NUDT3: variants seen among roughly 807,000 people sequenced by gnomAD.
The protein encoded by NUDT3 is diphosphoinositol polyphosphate phosphohydrolase 1.
Under a neutral mutation model 23.6 loss-of-function variants are expected in NUDT3, and 9 were observed. That is an observed-to-expected ratio of 0.38 (90% CI 0.23 to 0.66). The LOEUF is 0.66. Among genes scored for constraint, NUDT3 ranks in the 30% least tolerant of loss-of-function variants. NUDT3 has a pLI of 0.52. For missense variants in NUDT3, 172 were observed against 218.5 expected (o/e 0.79, Z 1.34); for synonymous variants, 86 against 82.6 (o/e 1.04, Z -0.22).
rs1763272871 is a variant in NUDT3, at chr6:34,280,961, C to A, written c.*7792G>T. 1 of 152,192 alleles carries A rather than the reference C, an allele frequency of 6.6e-6. No individual in the cohort carries two copies. Among genetic ancestry groups the A allele is most frequent in the African/African-American group, 2.4e-5 (1 of 41,442 alleles). The allele number at this position is 152,192 out of a possible 1,614,324, so 9.4% of individuals were successfully genotyped here. A position where few individuals can be genotyped will look rare whatever the true frequency, so the allele number is the denominator to read the frequency against. Reference sequence around the variant, plus strand: ...ACTTTTGTCCTCTAGAAAAACTTAACTCAATACATCTTGGCTACTTTGCCT... The same window carrying A: ...ACTTTTGTCCTCTAGAAAAACTTAAATCAATACATCTTGGCTACTTTGCCT... On this transcript the variant is annotated 3_prime_UTR_variant, in exon 5 of 5. Coordinates refer to ENST00000607016, the MANE Select transcript of NUDT3 (RefSeq NM_006703.4).
At chr6:34,316,432 T>C (rs922405421) in intron 2 of NUDT3, among the ~76,000 whole-genome samples, 12 of 152,166 alleles carry the variant, frequency 7.9e-5, no homozygotes, top group Non-Finnish European at 1.8e-4. Flanking sequence ...GACTGCTTCA[T>C]ATAGAAGAGA....
chr6:34,325,576 AG>A (rs1193425409), intron 2 of NUDT3, among the ~76,000 whole-genome samples: 2 of 152,130 alleles, frequency 1.3e-5, no homozygotes, highest in Non-Finnish European at 2.9e-5. Flanking sequence ...GAGTTTTCCT[AG>A]GAGGGCGGAA....
rs1239887373 is a variant in NUDT3 at position 34,287,085 on chromosome 6, C to G, written c.*1668G>C. 1.3e-5 allele frequency: 2 copies of G among 152,174 alleles called. No homozygotes were observed. The highest frequency in any genetic ancestry group is 2.4e-5 in the African/African-American group (1 of 41,430). The allele number at this position is 152,174 out of a possible 1,614,324, so 9.4% of individuals were successfully genotyped here. ...TGAGCCACCGTGCCCAGTGAGTAGA[C>G]AGCAAAATTTAAAGTTCACCAACTG... On this transcript the variant is annotated 3_prime_UTR_variant, in exon 5 of 5. Coordinates refer to ENST00000607016, the MANE Select transcript of NUDT3 (RefSeq NM_006703.4).
chr6:34,297,618 AC>A (rs1397955078), intron 2 of NUDT3, among the ~76,000 whole-genome samples: 1 of 142,304 alleles, frequency 7.0e-6, no homozygotes, highest in Non-Finnish European at 1.5e-5. Context: ...GCTCACTACA[AC>A]CTCCGTCTCC....
At chr6:34,367,445 G>T (rs551510036) in intron 1 of NUDT3, among the ~76,000 whole-genome samples, 2 of 149,516 alleles carry the variant, frequency 1.3e-5, no homozygotes, top group Non-Finnish European at 3.0e-5. Flanking sequence ...TCGCACCATT[G>T]AACTACAGCC....
At chr6:34,329,923 G>T (rs1424301778) in intron 2 of NUDT3, among the ~76,000 whole-genome samples, 2 of 152,158 alleles carry the variant, frequency 1.3e-5, no homozygotes, top group Non-Finnish European at 2.9e-5. Flanking sequence ...CCTTGTGACA[G>T]TTTGCTCAGA....
At chr6:34,301,719 G>A (rs1453354912) in intron 2 of NUDT3, among the ~76,000 whole-genome samples, 1 of 152,226 alleles carries the variant, frequency 6.6e-6, no homozygotes, top group Non-Finnish European at 1.5e-5. Context: ...GGAGTAATAA[G>A]TACTATTTTA....
At chr6:34,380,146 C>T (rs1470470610) in intron 1 of NUDT3, among the ~76,000 whole-genome samples, 1 of 152,022 alleles carries the variant, frequency 6.6e-6, no homozygotes, top group African/African-American at 2.4e-5. Flanking sequence ...TGCAACAGCG[C>T]GATCTCGGCT....
chr6:34,322,321 C>T (rs978586453), intron 2 of NUDT3, among the ~76,000 whole-genome samples: 6 of 152,040 alleles, frequency 3.9e-5, no homozygotes, highest in African/African-American at 1.5e-4. Context: ...ACCTCCGCCT[C>T]CCGGGTTCAC....
chr6:34,375,141 G>A (rs1033306369), intron 1 of NUDT3, among the ~76,000 whole-genome samples: 18 of 152,164 alleles, frequency 1.2e-4, no homozygotes, highest in Non-Finnish European at 2.2e-4. Context: ...TCAGGAGTTC[G>A]AGACCAGCCT....
At chr6:34,330,708 C>T (rs55863933) in intron 2 of NUDT3, among the ~76,000 whole-genome samples, 7 of 151,716 alleles carry the variant, frequency 4.6e-5, no homozygotes, top group South Asian at 4.2e-4. Context: ...GGCCAAGGTG[C>T]GAGGATCACT....
intron 1 of NUDT3, among the ~76,000 whole-genome samples, chr6:34,384,131 C>T (rs1194347288): frequency 6.6e-6 from 1 of 152,214 alleles, no homozygotes; most frequent in Non-Finnish European, 1.5e-5. Flanking sequence ...CGTCAGTCCA[C>T]CTGCTCCTCT....
chr6:34,342,289 C>CAAAAAAAAAAAAAA (rs200954440), intron 1 of NUDT3, among the ~76,000 whole-genome samples: 17 of 66,490 alleles, frequency 2.6e-4, no homozygotes, highest in South Asian at 9.2e-4. Flanking sequence ...TAGAAGACTT[C>CAAAAAAAAAAAAAA]AAAAAAAAAA....
chr6:34,297,534 G>A (rs984083405), intron 2 of NUDT3, among the ~76,000 whole-genome samples: 2 of 148,892 alleles, frequency 1.3e-5, no homozygotes, highest in Admixed American at 1.3e-4. Flanking sequence ...GGGGGACAGA[G>A]GTAAGAAAAG....
At chr6:34,360,160 GT>G (rs1280999701) in intron 1 of NUDT3, among the ~76,000 whole-genome samples, 3 of 146,682 alleles carry the variant, frequency 2.0e-5, no homozygotes, top group Admixed American at 6.8e-5. Context: ...GCCTGGGGAG[GT>G]TGAAGCTGCA....
chr6:34,341,801 C>A, intron 2 of NUDT3, 61 bp downstream of exon 2: 2 of 1,486,872 alleles, frequency 1.3e-6, no homozygotes, highest in Non-Finnish European at 1.8e-6. Flanking sequence ...TAAAGAACTA[C>A]ACAGATAGGA....
At chr6:34,304,839 T>C (rs1316226401) in intron 2 of NUDT3, among the ~76,000 whole-genome samples, 1 of 151,112 alleles carries the variant, frequency 6.6e-6, no homozygotes, top group Non-Finnish European at 1.5e-5. Flanking sequence ...AAAAACTTTT[T>C]TTTTTTTTTT....
At chr6:34,382,936 G>A (rs1023456689) in intron 1 of NUDT3, among the ~76,000 whole-genome samples, 2 of 151,870 alleles carry the variant, frequency 1.3e-5, no homozygotes, top group African/African-American at 4.8e-5. Flanking sequence ...GACCAGCCTG[G>A]CTAAGGTGGT....
At chr6:34,352,564 C>T (rs955401804) in intron 1 of NUDT3, among the ~76,000 whole-genome samples, 2 of 152,188 alleles carry the variant, frequency 1.3e-5, no homozygotes, top group African/African-American at 2.4e-5. Context: ...CAGGAATACA[C>T]TGTAAAATCC....
Sources: gnomAD v4.1 joint callset for allele counts (sites outside exome capture counted in the v4.1 genomes callset) on GRCh38, gnomAD v4.1.1 for gene constraint, MANE v1.5 for transcripts, NCBI Gene and HGNC (gene_info 2026-07-23, HGNC 2026-07-21) for gene names.